The following DIPK2A variants were observed in gnomAD, a reference collection of about 807,000 sequenced individuals.
The protein encoded by DIPK2A is divergent protein kinase domain 2A.
A neutral mutation model predicts 39.0 loss-of-function variants in DIPK2A; 27 were observed. That is an observed-to-expected ratio of 0.69 (90% CI 0.51 to 0.96). The LOEUF (loss-of-function observed/expected upper bound fraction) is 0.96. Among genes scored for constraint, DIPK2A ranks in the 40% least tolerant of loss-of-function variants. The pLI is 0.00. For missense variants in DIPK2A, 528 were observed against 571.3 expected, an observed-to-expected ratio of 0.92 and a Z score of 0.77; for synonymous variants, 298 against 240.8, an observed-to-expected ratio of 1.24 and a Z score of -2.20.
chr3:143,972,545 G>T lies in DIPK2A; in HGVS notation c.213G>T (p.Gln71His), dbSNP rs2087667685. 1 of 1,612,272 alleles carries T rather than the reference G, an allele frequency of 6.2e-7. No homozygotes were observed. Among genetic ancestry groups the T allele is most frequent in the Admixed American group, 1.7e-5 (1 of 59,984 alleles). The change falls in exon 1 of 3, where the codon CAG becomes CAT. Residue 71 changes from glutamine (Q) to histidine (H), a missense_variant. By Grantham distance (24) the Gln-to-His change is conservative (BLOSUM62 0). This residue lies in a region of DIPK2A where 309 missense variants were observed against 289.8 expected (regional missense o/e 1.07). Coordinates refer to ENST00000315691, the MANE Select transcript of DIPK2A (RefSeq NM_173552.5). ...TSWCRRFLNG[Q>H]VVFEAWGRLR... ...GGTGCCGCCGCTTCCTCAACGGGCA[G>T]GTGGTATTCGAGGCGTGGGGCCGCT...
intron 1 of DIPK2A, among the ~76,000 whole-genome samples, chr3:143,979,188 G>A (rs1409429963): frequency 2.0e-5 from 3 of 151,958 alleles, no homozygotes; most frequent in African/African-American, 7.2e-5. Flanking sequence ...TTACATATAC[G>A]TAAATCATAT....
chr3:143,985,575 A>G lies in DIPK2A; in HGVS notation c.690A>G (p.Ala230=), dbSNP rs1381212223. The stretch of plus-strand genomic sequence containing the variant: ...CGTCTGATGAAGGTTGGCCATTTGC[A>G]AAGTATCTTGGAGCTTGTGGAAGAA... ...SFPSDEGWPF[A]KYLGACGRMV... Residue 230 remains alanine, a synonymous_variant, in exon 2 of 3, where the codon GCA becomes GCG. Transcript: ENST00000315691. The G allele has an allele frequency of 6.2e-7, 1 of 1,614,080 alleles. No individual in the cohort carries two copies. Among genetic ancestry groups the G allele is most frequent in the Non-Finnish European group, 8.5e-7 (1 of 1,179,912 alleles).
chr3:143,976,377 A>T (rs1369851454), intron 1 of DIPK2A, among the ~76,000 whole-genome samples: 1 of 151,766 alleles, frequency 6.6e-6, no homozygotes, highest in Non-Finnish European at 1.5e-5. Context: ...AAAAAAATGG[A>T]GGAGAGGAAC....
Position 143,989,653 on chromosome 3 carries a change from TC to T in DIPK2A, c.1107del (p.Arg370AspfsTer53). On this transcript the variant is annotated frameshift_variant, in exon 3 of 3. Transcript: ENST00000315691. LOFTEE classifies it high-confidence loss of function. ...CTATGCTGTTTGTCAGAACCTCTTATCCAGACATGCCACCTGGCGTGGCACT... is the reference window on the plus strand; with the variant it reads ...CTATGCTGTTTGTCAGAACCTCTTATCAGACATGCCACCTGGCGTGGCACT... ...NYYAVCQNLL[S>X]RHATWRGTSG... 1 of 1,614,218 alleles carries T rather than the reference TC, an allele frequency of 6.2e-7. No individual in the cohort carries two copies. Among genetic ancestry groups the T allele is most frequent in the Non-Finnish European group, 8.5e-7 (1 of 1,180,038 alleles).
rs1408418755 is a variant in DIPK2A, at chr3:143,991,447, G to A, written c.*1606G>A. 1 of 152,506 alleles carries A rather than the reference G, an allele frequency of 6.6e-6. No individual in the cohort carries two copies. Among genetic ancestry groups the A allele is most frequent in the East Asian group, 1.9e-4 (1 of 5,198 alleles). The allele number at this position is 152,506 out of a possible 1,614,324, so 9.4% of individuals were successfully genotyped here. A position where few individuals can be genotyped will look rare whatever the true frequency, so the allele number is the denominator to read the frequency against. On this transcript the variant is annotated 3_prime_UTR_variant, in exon 3 of 3. Coordinates refer to ENST00000315691, the MANE Select transcript of DIPK2A (RefSeq NM_173552.5). Reference sequence around the variant, plus strand: ...TCTTAAGTTGAAATAGCATTAACTAGGATAATGCTTTCATGTTATTTTATT... The same window carrying A: ...TCTTAAGTTGAAATAGCATTAACTAAGATAATGCTTTCATGTTATTTTATT...
intron 1 of DIPK2A, among the ~76,000 whole-genome samples, chr3:143,974,937 A>G (rs779594026): frequency 1.3e-5 from 2 of 152,180 alleles, no homozygotes; most frequent in Non-Finnish European, 2.9e-5. Flanking sequence ...TAGTTGAGAT[A>G]GTCAAGTGTG....
In DIPK2A at chr3:143,992,077, A is replaced by T. The variant is rs944957937; in HGVS notation, c.*2236A>T. 1 of 152,640 alleles carries T rather than the reference A, an allele frequency of 6.6e-6. No homozygotes were observed. The highest frequency in any genetic ancestry group is 2.4e-5 in the African/African-American group (1 of 41,466). 9.5% of individuals were successfully genotyped at this position (152,640 alleles called of 1,614,324 possible). On this transcript the variant is annotated 3_prime_UTR_variant, in exon 3 of 3. Transcript: ENST00000315691. ...TAGGAATTTAAAATTACAGGGAAAAATATGTAAGTGAAAAGCAATAAATAT... is the reference window on the plus strand; with the variant it reads ...TAGGAATTTAAAATTACAGGGAAAATTATGTAAGTGAAAAGCAATAAATAT...
In DIPK2A at chr3:143,989,881, A is replaced by G; in HGVS notation, c.*40A>G. The G allele has an allele frequency of 1.4e-6, 2 of 1,456,928 alleles. No individual in the cohort carries two copies. Among genetic ancestry groups the G allele is most frequent in the Non-Finnish European group, 1.9e-6 (2 of 1,062,748 alleles). 90.3% of individuals were successfully genotyped at this position (1,456,928 alleles called of 1,614,324 possible). On this transcript the variant is annotated 3_prime_UTR_variant, in exon 3 of 3. Transcript: ENST00000315691. ...TTCTTTTTTTCTCCATTTAAACAGC[A>G]CTGGCTAAAACTAAACCACCAAAAA...
intron 1 of DIPK2A, chr3:143,978,644 A>ATCTATATATATATATATATC (rs1285822859): frequency 4.0e-5 from 2 of 49,704 alleles, no homozygotes; most frequent in Admixed American, 4.0e-4. Context: ...ATATATCTAT[A>ATCTATATATATATATATATC]TATATATATA....
rs2087998254 is a variant in DIPK2A at position 143,992,265 on chromosome 3, T to C, written c.*2424T>C. 1 of 152,652 alleles carries C rather than the reference T, an allele frequency of 6.6e-6. No individual in the cohort carries two copies. Among genetic ancestry groups the C allele is most frequent in the African/African-American group, 2.4e-5 (1 of 41,466 alleles). The allele number at this position is 152,652 out of a possible 1,614,324, so 9.5% of individuals were successfully genotyped here. ...AATTGTCTTTTGTACTGTAAGTTAC[T>C]GTTAATTTGAATATTTTATTGAACT... On this transcript the variant is annotated 3_prime_UTR_variant, in exon 3 of 3. Coordinates refer to ENST00000315691, the MANE Select transcript of DIPK2A (RefSeq NM_173552.5).
At chr3:143,979,859 C>T (rs2107842908) in intron 1 of DIPK2A, among the ~76,000 whole-genome samples, 1 of 152,208 alleles carries the variant, frequency 6.6e-6, no homozygotes, top group East Asian at 1.9e-4. Context: ...ATTTTCAAGG[C>T]ATTGTTTAAT....
chr3:143,986,212 G>T (rs1424290679), intron 2 of DIPK2A: 1 of 178,764 alleles, frequency 5.6e-6, no homozygotes, highest in Non-Finnish European at 1.2e-5. Flanking sequence ...TTATATTCAT[G>T]TAATATATTG....
At chr3:143,978,682 C>CTATA (rs1156833163) in intron 1 of DIPK2A, among the ~76,000 whole-genome samples, 8 of 56,178 alleles carry the variant, frequency 1.4e-4, no homozygotes, top group South Asian at 4.8e-4. Flanking sequence ...ATATATATAT[C>CTATA]TATATATATA....
chr3:143,975,043 T>C (rs568859030), intron 1 of DIPK2A, among the ~76,000 whole-genome samples: 126 of 152,266 alleles, frequency 8.3e-4, no homozygotes, highest in Non-Finnish European at 1.6e-3. Flanking sequence ...AAAAGCACAA[T>C]TATTTTCTTA....
At chr3:143,978,586 A>G (rs893575826) in intron 1 of DIPK2A, 1 of 87,144 alleles carries the variant, frequency 1.1e-5, no homozygotes, top group Non-Finnish European at 2.1e-5. Flanking sequence ...AAAGGTATCT[A>G]TATCTATCTA....
At chr3:143,985,214 G>A (rs2087881704) in intron 1 of DIPK2A, among the ~76,000 whole-genome samples, 2 of 152,200 alleles carry the variant, frequency 1.3e-5, no homozygotes, top group Admixed American at 1.3e-4. Flanking sequence ...CACAAGTGAA[G>A]AAGATAAGGG....
At chr3:143,974,117 A>AG (rs945158111) in intron 1 of DIPK2A, among the ~76,000 whole-genome samples, 1 of 119,574 alleles carries the variant, frequency 8.4e-6, no homozygotes, top group African/African-American at 3.7e-5. Flanking sequence ...CTGGAGGTAC[A>AG]GGGTTTTTTT....
At chr3:143,978,293 A>C (rs368309760) in intron 1 of DIPK2A, among the ~76,000 whole-genome samples, 1 of 151,972 alleles carries the variant, frequency 6.6e-6, no homozygotes, top group East Asian at 1.9e-4. Flanking sequence ...GCATTTTTCT[A>C]ATACATTTGA....
chr3:143,975,273 G>C (rs937228746), intron 1 of DIPK2A, among the ~76,000 whole-genome samples: 5 of 151,870 alleles, frequency 3.3e-5, no homozygotes, highest in Non-Finnish European at 7.4e-5. Flanking sequence ...ATAATTTTGG[G>C]GTCTTTAGTA....
Sources: allele counts gnomAD v4.1 joint callset (sites outside exome capture counted in the v4.1 genomes callset), GRCh38; gene constraint gnomAD v4.1.1; regional missense constraint gnomAD v4.1.1; transcripts MANE v1.5; gene names NCBI Gene and HGNC (gene_info 2026-07-23, HGNC 2026-07-21).